HERC3: variants seen among roughly 807,000 people sequenced by gnomAD.
HERC3 encodes the protein probable E3 ubiquitin-protein ligase HERC3.
In HERC3, 58 loss-of-function variants were observed where a neutral mutation model predicts 129.9. That is an observed-to-expected ratio of 0.45 (90% CI 0.36 to 0.56). HERC3 has a LOEUF of 0.56. Among genes scored for constraint, HERC3 ranks in the 20% least tolerant of loss-of-function variants. The pLI, the probability that HERC3 is intolerant of heterozygous loss-of-function variation, is 0.00. For synonymous variants in HERC3, 430 were observed against 451.0 expected, an observed-to-expected ratio of 0.95 and a Z score of 0.59; for missense variants, 835 against 1,244.2, an observed-to-expected ratio of 0.67 and a Z score of 4.95.
intron 2 of HERC3, among the ~76,000 whole-genome samples, chr4:88,596,128 C>T (rs1309245407): frequency 6.6e-6 from 1 of 152,112 alleles, no homozygotes; most frequent in African/African-American, 2.4e-5. Flanking sequence ...GGATTACAGG[C>T]GTGAGCCACC....
At chr4:88,617,652 A>G (rs989274696) in intron 3 of HERC3, among the ~76,000 whole-genome samples, 4 of 152,170 alleles carry the variant, frequency 2.6e-5, no homozygotes, top group Non-Finnish European at 4.4e-5. Context: ...CAGGTGGATC[A>G]TGAGGTCAGG....
chr4:88,683,970 A>G (rs1210104520), intron 21 of HERC3, among the ~76,000 whole-genome samples: 1 of 152,184 alleles, frequency 6.6e-6, no homozygotes. Context: ...GAAATAAGAG[A>G]CAACGCAAAC....
At chr4:88,697,771 C>T in intron 23 of HERC3, 1 of 1,595,486 alleles carries the variant, frequency 6.3e-7, no homozygotes, top group Non-Finnish European at 8.5e-7. Context: ...GGAGAAGCCG[C>T]AGAGGTCTAG....
At chr4:88,556,246 T>C in the HERC3 span, among the ~76,000 whole-genome samples, 1 of 152,192 alleles carries the variant, frequency 6.6e-6, no homozygotes, top group Admixed American at 6.5e-5. Context: ...AAACCCCAAG[T>C]GTCTTTGTGC....
intron 23 of HERC3, among the ~76,000 whole-genome samples, chr4:88,694,598 T>C (rs1734403083): frequency 6.6e-6 from 1 of 152,198 alleles, no homozygotes; most frequent in Non-Finnish European, 1.5e-5. Context: ...TCCAAATTGC[T>C]AAAGGTTTTC....
At chr4:88,704,407 A>G in intron 24 of HERC3, 101 bp from the exon 25 acceptor site, 1 of 1,197,066 alleles carries the variant, frequency 8.4e-7, no homozygotes, top group Non-Finnish European at 1.2e-6. Context: ...GGTGTCCTGT[A>G]TCTCAGCACT....
the HERC3 span, among the ~76,000 whole-genome samples, chr4:88,542,932 G>A: frequency 3.7e-4 from 57 of 152,174 alleles, no homozygotes; most frequent in African/African-American, 1.2e-3. Flanking sequence ...TTGATGGGAC[G>A]TATCTCAAAA....
chr4:88,703,420 C>T (rs138040485), intron 23 of HERC3, among the ~76,000 whole-genome samples: 245 of 152,302 alleles, frequency 1.6e-3, no homozygotes, highest in African/African-American at 5.7e-3. Context: ...TGGTTCCCAT[C>T]ATTTCAGTTT....
chr4:88,583,310 C>G, the HERC3 span, among the ~76,000 whole-genome samples: 1 of 151,852 alleles, frequency 6.6e-6, no homozygotes, highest in East Asian at 1.9e-4. Context: ...GTGGTGGGTG[C>G]CTGTAATTCC....
At chr4:88,640,038 C>T (rs1727900278) in intron 3 of HERC3, among the ~76,000 whole-genome samples, 1 of 152,192 alleles carries the variant, frequency 6.6e-6, no homozygotes, top group Non-Finnish European at 1.5e-5. Flanking sequence ...TACCATCTCA[C>T]ACCAGTCAGA....
intron 1 of HERC3, among the ~76,000 whole-genome samples, chr4:88,592,780 C>T (rs548571116): frequency 6.6e-6 from 1 of 151,774 alleles, no homozygotes; most frequent in Non-Finnish European, 1.5e-5. Flanking sequence ...GCGCGGCGCC[C>T]TTAGTACCCT....
chr4:88,652,825 G>A (rs1729440408), intron 5 of HERC3, 44 bp from the exon 6 acceptor site: 2 of 1,561,074 alleles, frequency 1.3e-6, no homozygotes, highest in Non-Finnish European at 1.7e-6. Context: ...TGTGTGTGGA[G>A]CTTGTATCAT....
chr4:88,632,668 A>G (rs1490629849), intron 3 of HERC3, among the ~76,000 whole-genome samples: 2 of 152,294 alleles, frequency 1.3e-5, no homozygotes, highest in African/African-American at 4.8e-5. Flanking sequence ...GACAGAGGAA[A>G]GAATCAATGA....
At position 88,681,240 on chromosome 4, in the gene HERC3, C is replaced by T. The variant is rs1393321611; in HGVS notation, c.2422C>T (p.His808Tyr). ...CTACAACTCCACTGTGGTCGATCTCCACTTCCCATTGGCTCTCTACAAGAA... is the reference window on the plus strand; with the variant it reads ...CTACAACTCCACTGTGGTCGATCTCTACTTCCCATTGGCTCTCTACAAGAA... Reference protein sequence around the residue: ...AIYNSTVVDLHFPLALYKKLL... With the variant: ...AIYNSTVVDLYFPLALYKKLL... The change falls in exon 21 of 26, where the codon CAC (histidine) becomes TAC (tyrosine). Residue 808 changes from histidine to tyrosine, a missense_variant. Transcript: ENST00000402738. The T allele has an allele frequency of 1.9e-6, 3 of 1,613,958 alleles. No homozygotes were observed. Among genetic ancestry groups the T allele is most frequent in the East Asian group, 4.5e-5 (2 of 44,874 alleles).
chr4:88,653,338 C>A (rs1329310735), intron 6 of HERC3, among the ~76,000 whole-genome samples: 1 of 152,158 alleles, frequency 6.6e-6, no homozygotes, highest in Non-Finnish European at 1.5e-5. Flanking sequence ...AAGGGCCCCT[C>A]TGATAAGAAA....
chr4:88,598,396 A>T (rs1178104983), intron 2 of HERC3, among the ~76,000 whole-genome samples: 2 of 152,156 alleles, frequency 1.3e-5, no homozygotes, highest in Non-Finnish European at 2.9e-5. Context: ...ATCAACCTCA[A>T]ATCCCTTTCA....
At chr4:88,675,636 C>G (rs1183753879) in intron 16 of HERC3, among the ~76,000 whole-genome samples, 1 of 151,758 alleles carries the variant, frequency 6.6e-6, no homozygotes, top group Non-Finnish European at 1.5e-5. Flanking sequence ...TTACTCCCCT[C>G]CAAAGTTTAT....
intron 3 of HERC3, among the ~76,000 whole-genome samples, chr4:88,641,450 G>A (rs768921137): frequency 6.6e-6 from 1 of 152,196 alleles, no homozygotes; most frequent in Non-Finnish European, 1.5e-5. Context: ...GAAAGAAATA[G>A]TGATGAAAGT....
intron 3 of HERC3, among the ~76,000 whole-genome samples, chr4:88,632,691 A>G (rs1726908925): frequency 6.6e-6 from 1 of 152,242 alleles, no homozygotes; most frequent in African/African-American, 2.4e-5. Context: ...TTGAAGATAG[A>G]TCAGTAGAAA....
Sources: allele counts gnomAD v4.1 joint callset (sites outside exome capture counted in the v4.1 genomes callset), GRCh38; gene constraint gnomAD v4.1.1; transcripts MANE v1.5; gene names NCBI Gene and HGNC (gene_info 2026-07-23, HGNC 2026-07-21).